INTS2: variants seen among roughly 807,000 people sequenced by gnomAD.
The protein encoded by INTS2 is KIAA1287.
In INTS2, 57 loss-of-function variants were observed where a neutral mutation model predicts 139.6. The observed-to-expected ratio is 0.41, with a 90% CI of 0.33 to 0.51. INTS2 has a LOEUF of 0.51. Ranked by LOEUF, INTS2 falls within the 20% of genes least tolerant of loss-of-function variation. The pLI is 0.28. For missense variants in INTS2, 1,196 were observed against 1,436.7 expected (o/e 0.83, Z 2.71); for synonymous variants, 473 against 493.4 (o/e 0.96, Z 0.55).
chr17:61,870,217 C>T lies in INTS2; in HGVS notation c.2779-229G>A, dbSNP rs1011898811. On this transcript the variant is annotated intron_variant, in intron 20 of 24. Coordinates refer to ENST00000251334, the MANE Select transcript of INTS2 (RefSeq NM_001351695.2). The surrounding 1 kb of genome is among the most constrained non-coding windows in gnomAD (Gnocchi z 4.4). The stretch of plus-strand genomic sequence containing the variant: ...CTAAAGAAAACTATGTACCCTCTCC[C>T]GATAAAAATTAACATACATAAACAA... Among the ~76,000 whole-genome samples the T allele has an allele frequency of 8.5e-5, 13 of 152,080 alleles. No individual in the cohort carries two copies. Among genetic ancestry groups the T allele is most frequent in the South Asian group, 6.2e-4 (3 of 4,820 alleles).
chr17:61,888,564 C>CGTGCGTGTGTGT (rs755542102), intron 15 of INTS2, among the ~76,000 whole-genome samples: 5 of 119,668 alleles, frequency 4.2e-5, no homozygotes, highest in African/African-American at 1.4e-4. Flanking sequence ...TGTGTGCGTG[C>CGTGCGTGTGTGT]GTGTGTGTGT....
chr17:61,874,896 A>G lies in INTS2; in HGVS notation c.2582+17T>C. 1 of 1,544,806 alleles carries G rather than the reference A, an allele frequency of 6.5e-7. No homozygotes were observed. The highest frequency in any genetic ancestry group is 1.3e-5 in the South Asian group (1 of 79,456). On this transcript the variant is annotated intron_variant, in intron 19 of 24. Coordinates refer to ENST00000251334, the MANE Select transcript of INTS2 (RefSeq NM_001351695.2). ...AGTACAGCTCTATAATAAAAATGAAACTCAAATGACATGTACCTGTGAACC... is the reference window on the plus strand; with the variant it reads ...AGTACAGCTCTATAATAAAAATGAAGCTCAAATGACATGTACCTGTGAACC...
In INTS2 at chr17:61,888,007, G is replaced by A. The variant is rs180967798; in HGVS notation, c.1984+1779C>T. Among the ~76,000 whole-genome samples, 381 of 151,988 alleles carry A rather than the reference G, an allele frequency of 2.5e-3. 3 individuals are homozygous for A. The highest frequency in any genetic ancestry group is 4.0e-3 in the Non-Finnish European group (270 of 68,002). ...GCGGAGGTTGCAGTGAGCCAAGATC[G>A]CACCACTGCATTCCAGCCTGGGTGA... is the stretch of plus-strand genomic sequence containing the variant. On this transcript the variant is annotated intron_variant, in intron 15 of 24. Coordinates refer to ENST00000251334, the MANE Select transcript of INTS2 (RefSeq NM_001351695.2).
chr17:61,921,833 A>G lies in INTS2; in HGVS notation c.433-6T>C, dbSNP rs768821209. 2 of 1,406,598 alleles carry G rather than the reference A, an allele frequency of 1.4e-6. No homozygotes were observed. Among genetic ancestry groups the G allele is most frequent in the Non-Finnish European group, 2.0e-6 (2 of 1,015,888 alleles). 87.1% of individuals were successfully genotyped at this position (1,406,598 alleles called of 1,614,324 possible). ...TCTCCGTTGGACTCAGACACCTTAAAAAAGAAAAAAAAAAGATATAAACTC... is the reference window on the plus strand; with the variant it reads ...TCTCCGTTGGACTCAGACACCTTAAGAAAGAAAAAAAAAAGATATAAACTC... On this transcript the variant is annotated splice_region_variant and splice_polypyrimidine_tract_variant and intron_variant, in intron 3 of 24. Transcript: ENST00000251334.
At position 61,891,523 on chromosome 17, in the gene INTS2, C is replaced by A. The variant is rs1380753681; in HGVS notation, c.1865G>T (p.Gly622Val). 1 of 1,612,612 alleles carries A rather than the reference C, an allele frequency of 6.2e-7. No individual in the cohort carries two copies. Among genetic ancestry groups the A allele is most frequent in the Non-Finnish European group, 8.5e-7 (1 of 1,179,244 alleles). Residue 622 changes from glycine to valine, a missense_variant, in exon 14 of 25, where the codon GGA (glycine) becomes GTA (valine). Transcript: ENST00000251334. ...TEQEILNIFQ[G>V]VIGGDNIRLN... ...GAACCACTATTTTACCCCAATGACT[C>A]CTTGGAAAATATTGAGTATCTCCTG...
rs1444615311 is a variant in INTS2 at position 61,869,779 on chromosome 17, C to T, written c.2988G>A (p.Met996Ile). ...TAGCAATGTTGGGATCTGCAATGTACATTTGGTGCAAGAGACAACAGATAA... is the reference window on the plus strand; with the variant it reads ...TAGCAATGTTGGGATCTGCAATGTATATTTGGTGCAAGAGACAACAGATAA... The part of the protein sequence containing the change: ...QCLICCLLHQ[M>I]YIADPNIAKL... Residue 996 changes from methionine to isoleucine, a missense_variant, in exon 21 of 25, where the codon ATG becomes ATA. Met to Ile is a conservative substitution (Grantham distance 10). This residue lies in a region of INTS2 where 1,129 missense variants were observed against 1,341.9 expected (regional missense o/e 0.84). Transcript: ENST00000251334. The surrounding 1 kb of genome is among the most constrained non-coding windows in gnomAD (Gnocchi z 5.4). The T allele has an allele frequency of 6.2e-7, 1 of 1,613,850 alleles. No individual in the cohort carries two copies. Among genetic ancestry groups the T allele is most frequent in the African/African-American group, 1.3e-5 (1 of 75,044 alleles).
chr17:61,919,417 G>A lies in INTS2; in HGVS notation c.632C>T (p.Pro211Leu). The change falls in exon 5 of 25, where the codon CCT (proline) becomes CTT (leucine). Residue 211 changes from proline to leucine, a missense_variant. By Grantham distance (98) the Pro-to-Leu change is moderately conservative. Transcript: ENST00000251334. ...WFLCLLVANV[P>L]DSFNEVCRGL... ...ATATTTACCTTCATTAAAACTATCA[G>A]GAACATTGGCCACCAAGAGACACAA... The A allele has an allele frequency of 6.4e-7, 1 of 1,572,844 alleles. No individual in the cohort carries two copies. Among genetic ancestry groups the A allele is most frequent in the Non-Finnish European group, 8.7e-7 (1 of 1,149,604 alleles).
At chr17:61,923,301 C>T (rs891884341) in intron 3 of INTS2, among the ~76,000 whole-genome samples, 4 of 150,940 alleles carry the variant, frequency 2.7e-5, no homozygotes, top group Admixed American at 6.6e-5. Context: ...CACGGTGAAA[C>T]CCCGTCTCTA....
chr17:61,895,015 A>AT (rs1272337265), intron 12 of INTS2, among the ~76,000 whole-genome samples: 3 of 152,164 alleles, frequency 2.0e-5, no homozygotes, highest in African/African-American at 7.2e-5. Context: ...CTCCAGACAC[A>AT]TTAAAACAAT....
rs776639511 is a variant in INTS2 at position 61,885,005 on chromosome 17, G to C, written c.1985C>G (p.Ala662Gly). 32 of 1,562,144 alleles carry C rather than the reference G, an allele frequency of 2.0e-5. No homozygotes were observed. Among genetic ancestry groups the C allele is most frequent in the Non-Finnish European group, 2.7e-5 (31 of 1,142,824 alleles). The change falls in exon 16 of 25, where the codon GCT (alanine) becomes GGT (glycine). Residue 662 changes from alanine to glycine, a missense_variant and splice_region_variant. This residue lies in a region of INTS2 where 1,129 missense variants were observed against 1,341.9 expected (regional missense o/e 0.84). Transcript: ENST00000251334. ...TGATTTGGGCTTTCTTTGCATGGCA[G>C]CTATCAAAGATAAAAAGTGTAAAAT... ...EALLANTKTL[A>G]AMQRKPKSYS...
chr17:61,868,605 G>T lies in INTS2; in HGVS notation c.3244+429C>A, dbSNP rs140913654. ...GGTTAAAATATCAGAATATGTTTTA[G>T]AACTTATGAAGACATCTAATACATT... is the stretch of plus-strand genomic sequence containing the variant. On this transcript the variant is annotated intron_variant, in intron 23 of 24. Transcript: ENST00000251334. The surrounding 1 kb of genome is among the most constrained non-coding windows in gnomAD (Gnocchi z 4.7). Among the ~76,000 whole-genome samples, 440 of 152,162 alleles carry T rather than the reference G, an allele frequency of 2.9e-3. 2 individuals are homozygous for T. The highest frequency in any genetic ancestry group is 0.01 in the African/African-American group (422 of 41,530).
chr17:61,909,828 T>TGTAG lies in INTS2; in HGVS notation c.954+1691_954+1692insCTAC, dbSNP rs2079507375. Among the ~76,000 whole-genome samples the TGTAG allele has an allele frequency of 2.5e-5, 1 of 40,648 alleles. No homozygotes were observed. Among genetic ancestry groups the TGTAG allele is most frequent in the African/African-American group, 1.2e-4 (1 of 8,302 alleles). 26.7% of individuals were successfully genotyped at this position (40,648 alleles called of 152,430 possible). A position where few individuals can be genotyped will look rare whatever the true frequency, so the allele number is the denominator to read the frequency against. ...GTGTGTGTGTACATGTGTGTATGTGTGTGTGTGTGTGTGTGTGTGTGTGTG... is the reference window on the plus strand; with the variant it reads ...GTGTGTGTGTACATGTGTGTATGTGTGTAGGTGTGTGTGTGTGTGTGTGTGTGTG... On this transcript the variant is annotated intron_variant, in intron 7 of 24. Coordinates refer to ENST00000251334, the MANE Select transcript of INTS2 (RefSeq NM_001351695.2). The surrounding 1 kb of genome is among the most constrained non-coding windows in gnomAD (Gnocchi z 4.9).
chr17:61,927,648 T>A lies in INTS2; in HGVS notation c.-19+6A>T, dbSNP rs1295149263. The stretch of plus-strand genomic sequence containing the variant: ...CGCTGAGGCCAGAGAAGCGGACGCT[T>A]CATACCTTAAGATCTACCCTCCAGC... On this transcript the variant is annotated splice_donor_region_variant and intron_variant, in intron 1 of 24. Transcript: ENST00000251334. 1.5e-6 allele frequency: 2 copies of A among 1,378,614 alleles called. No individual in the cohort carries two copies. Among genetic ancestry groups the A allele is most frequent in the Admixed American group, 6.1e-5 (2 of 32,872 alleles). 85.4% of individuals were successfully genotyped at this position (1,378,614 alleles called of 1,614,324 possible).
intron 1 of INTS2, 165 bp downstream of exon 1, chr17:61,927,489 C>T (rs1349395209): frequency 4.4e-6 from 1 of 225,254 alleles, no homozygotes; most frequent in Non-Finnish European, 7.8e-6. Context: ...GCTCTTTTAA[C>T]AGAGGGGCGG....
At chr17:61,912,596 T>C (rs752534498) in intron 5 of INTS2, among the ~76,000 whole-genome samples, 67 of 152,130 alleles carry the variant, frequency 4.4e-4, no homozygotes, top group Non-Finnish European at 2.6e-4. Flanking sequence ...CACTCCAGCC[T>C]GGGGCGACAA....
chr17:61,900,111 G>A (rs1042228145), intron 9 of INTS2, among the ~76,000 whole-genome samples: 1 of 152,096 alleles, frequency 6.6e-6, no homozygotes, highest in African/African-American at 2.4e-5. Context: ...ACAAAATACT[G>A]GAAGCTAGAG....
intron 16 of INTS2, among the ~76,000 whole-genome samples, 178 bp downstream of exon 16, chr17:61,884,723 G>C (rs939556886): frequency 2.0e-5 from 3 of 152,146 alleles, no homozygotes; most frequent in African/African-American, 4.8e-5. Context: ...TTGCGTTTTA[G>C]GGGGCAGGCT....
At chr17:61,878,337 T>C (rs1239008201) in intron 17 of INTS2, among the ~76,000 whole-genome samples, 1 of 146,742 alleles carries the variant, frequency 6.8e-6, no homozygotes, top group Non-Finnish European at 1.5e-5. Flanking sequence ...CCAAGGCGGG[T>C]GGATCACTTG....
At chr17:61,915,780 A>C (rs1321594028) in intron 5 of INTS2, among the ~76,000 whole-genome samples, 1 of 140,996 alleles carries the variant, frequency 7.1e-6, no homozygotes, top group African/African-American at 2.6e-5. Context: ...CAGTGAGCCG[A>C]GATTGTGCCA....
Sources: gnomAD v4.1 joint callset for allele counts (sites outside exome capture counted in the v4.1 genomes callset) on GRCh38, gnomAD v4.1.1 for gene constraint, gnomAD v4.1.1 regional missense constraint, Gnocchi (gnomAD v3.1) non-coding constraint, MANE v1.5 for transcripts, NCBI Gene and HGNC (gene_info 2026-07-23, HGNC 2026-07-21) for gene names.